Variants in MID1 observed in about 807,000 individuals in gnomAD.
MID1 encodes midline 1, also known as E3 ubiquitin-protein ligase Midline-1.
MID1 carries 7 observed loss-of-function variants against 40.4 expected under a neutral mutation model. The ratio of observed to expected loss-of-function variants is 0.17; its 90% CI spans 0.10 to 0.33. MID1 has a LOEUF of 0.33. Ranked by LOEUF, MID1 falls within the 10% of genes least tolerant of loss-of-function variation. MID1 has a pLI of 1.00. For synonymous variants in MID1, 229 were observed against 221.2 expected (o/e 1.04, Z -0.31); for missense variants, 367 against 558.5 (o/e 0.66, Z 3.46).
At chrX:10,716,069 G>C (rs1234315048) in intron 1 of MID1, among the ~76,000 whole-genome samples, 1 of 111,044 alleles carries the variant, frequency 9.0e-6, no homozygotes. Context: ...AAAGACCAAA[G>C]GTAGATAAAA....
intron 2 of MID1, among the ~76,000 whole-genome samples, chrX:10,553,271 A>AAT (rs922109190): frequency 1.8e-4 from 19 of 107,273 alleles, no homozygotes; most frequent in African/African-American, 4.9e-4. Flanking sequence ...AAATAAAAAA[A>AAT]ATATATATAT....
chrX:10,467,480 C>T (rs1253571994), intron 7 of MID1, among the ~76,000 whole-genome samples: 1 of 111,861 alleles, frequency 8.9e-6, no homozygotes, highest in Non-Finnish European at 1.9e-5. Flanking sequence ...GCAGAGAAGT[C>T]TTCCTGGAAT....
intron 6 of MID1, among the ~76,000 whole-genome samples, chrX:10,471,051 A>G (rs181813536): frequency 1.7e-4 from 19 of 111,800 alleles, no homozygotes; most frequent in Non-Finnish European, 3.4e-4. Flanking sequence ...TGCAAAGCCT[A>G]AAGTGTCTAC....
At chrX:10,733,272 C>T (rs958020987) in intron 1 of MID1, among the ~76,000 whole-genome samples, 2 of 111,124 alleles carry the variant, frequency 1.8e-5, no homozygotes, top group South Asian at 7.5e-4. Flanking sequence ...AAAAATGAAC[C>T]CTCACCTCTA....
At chrX:10,714,617 T>G (rs1602532069) in intron 1 of MID1, among the ~76,000 whole-genome samples, 2 of 112,898 alleles carry the variant, frequency 1.8e-5, no homozygotes, top group Middle Eastern at 4.6e-3. Flanking sequence ...GTATTAGCAG[T>G]ATTTCTTATT....
At chrX:10,727,188 C>T (rs964664016) in intron 1 of MID1, among the ~76,000 whole-genome samples, 1 of 112,435 alleles carries the variant, frequency 8.9e-6, no homozygotes, top group Admixed American at 9.4e-5. Flanking sequence ...AATCTCAGCT[C>T]ACTACAACCT....
intron 1 of MID1, among the ~76,000 whole-genome samples, chrX:10,633,342 C>G (rs1936072765): frequency 9.0e-6 from 1 of 111,619 alleles, no homozygotes; most frequent in Non-Finnish European, 1.9e-5. Context: ...TTTATTATCC[C>G]TTGAAGCCCA....
intron 1 of MID1, among the ~76,000 whole-genome samples, chrX:10,656,319 A>AACAAACT (rs1184451312): frequency 2.7e-5 from 3 of 111,912 alleles, no homozygotes; most frequent in Non-Finnish European, 5.6e-5. Flanking sequence ...TTTGTGGATA[A>AACAAACT]ACAAACTACA....
intron 1 of MID1, among the ~76,000 whole-genome samples, chrX:10,646,692 TA>T (rs1387636960): frequency 9.0e-6 from 1 of 111,640 alleles, no homozygotes; most frequent in Non-Finnish European, 1.9e-5. Flanking sequence ...TAATAATGGT[TA>T]GGGGGAAAAA....
chrX:10,811,452 C>A (rs2044101080), intron 1 of MID1, among the ~76,000 whole-genome samples: 1 of 112,360 alleles, frequency 8.9e-6, no homozygotes. Context: ...AGTTGAGACA[C>A]TTCTGTCTGC....
At chrX:10,487,762 TTCTG>T (rs1930701619) in intron 4 of MID1, among the ~76,000 whole-genome samples, 1 of 111,461 alleles carries the variant, frequency 9.0e-6, no homozygotes, top group African/African-American at 3.3e-5. Flanking sequence ...ATATACTACT[TTCTG>T]TCTGACTCCT....
chrX:10,448,640 T>C lies in MID1; in HGVS notation c.*728A>G, dbSNP rs960721338. ...TTCAATTGCAATCTCATTCTTAATG[T>C]TCTTCCAGAACCCTTAACCCTGAGA... On this transcript the variant is annotated 3_prime_UTR_variant, in exon 10 of 10. Transcript: ENST00000317552. 8.9e-6 allele frequency: 1 copy of C among 112,298 alleles called. No homozygotes were observed. Among genetic ancestry groups the C allele is most frequent in the African/African-American group, 3.2e-5 (1 of 30,882 alleles). 9.3% of individuals were successfully genotyped at this position (112,298 alleles called of 1,213,427 possible). A position where few individuals can be genotyped will look rare whatever the true frequency, so the allele number is the denominator to read the frequency against.
At chrX:10,734,417 C>T (rs2043473719) in intron 1 of MID1, among the ~76,000 whole-genome samples, 1 of 110,073 alleles carries the variant, frequency 9.1e-6, no homozygotes, top group Non-Finnish European at 1.9e-5. Context: ...GGGAGAGGAG[C>T]AGAAAAGAAA....
intron 1 of MID1, among the ~76,000 whole-genome samples, chrX:10,817,532 C>T (rs1602595559): frequency 1.0e-5 from 1 of 97,239 alleles, no homozygotes; most frequent in African/African-American, 3.9e-5. Flanking sequence ...TTCTTTCTTT[C>T]TTTCTTTCTT....
intron 1 of MID1, among the ~76,000 whole-genome samples, chrX:10,655,669 A>C (rs1048830893): frequency 1.8e-5 from 2 of 110,986 alleles, no homozygotes; most frequent in Non-Finnish European, 3.8e-5. Context: ...CTTATTGGTC[A>C]ATGGGACATT....
intron 1 of MID1, among the ~76,000 whole-genome samples, chrX:10,820,102 G>A (rs1649524571): frequency 8.9e-6 from 1 of 112,050 alleles, no homozygotes; most frequent in Non-Finnish European, 1.9e-5. Context: ...ACCCATCAAG[G>A]AGTCCTAAAA....
rs1285238886 is a variant in MID1, at chrX:10,521,870, C to G, written c.756+1222G>C. 8.9e-5 allele frequency among the ~76,000 whole-genome samples: 10 copies of G among 112,284 alleles called. No homozygotes were observed. The East Asian group carries it at 2.8e-3, about 32-fold the overall frequency. On this transcript the variant is annotated intron_variant, in intron 3 of 9. Coordinates refer to ENST00000317552, the MANE Select transcript of MID1 (RefSeq NM_000381.4). ...TTTTTTCTTTTTTGAGACAAGGTCT[C>G]ACTCTGTCGCCTAGGCTGGAGTGCA...
chrX:10,718,738 C>G, intron 1 of MID1, among the ~76,000 whole-genome samples: 1 of 111,212 alleles, frequency 9.0e-6, no homozygotes. Flanking sequence ...GGCAGAGACA[C>G]AACAAAAAAA....
At chrX:10,467,099 G>A (rs1929427097) in intron 7 of MID1, among the ~76,000 whole-genome samples, 2 of 111,081 alleles carry the variant, frequency 1.8e-5, no homozygotes, top group African/African-American at 6.6e-5. Context: ...TATAGAAGAT[G>A]GGATAAATAA....
Sources: gnomAD v4.1 joint callset for allele counts (sites outside exome capture counted in the v4.1 genomes callset) on GRCh38, gnomAD v4.1.1 for gene constraint, MANE v1.5 for transcripts, NCBI Gene and HGNC (gene_info 2026-07-23, HGNC 2026-07-21) for gene names.